TMEM63B: variants seen among roughly 807,000 people sequenced by gnomAD.
The protein encoded by TMEM63B is mechanosensitive cation channel TMEM63B.
In TMEM63B, 23 loss-of-function variants were observed where a neutral mutation model predicts 102.6. The ratio of observed to expected loss-of-function variants is 0.22; its 90% CI spans 0.16 to 0.32. TMEM63B has a LOEUF of 0.32. Ranked by LOEUF, TMEM63B falls within the 10% of genes least tolerant of loss-of-function variation. The pLI is 1.00. For synonymous variants in TMEM63B, 444 were observed against 437.0 expected, an observed-to-expected ratio of 1.02 and a Z score of -0.20; for missense variants, 628 against 1,095.9, an observed-to-expected ratio of 0.57 and a Z score of 6.03.
rs1186115767 is a variant in TMEM63B at position 44,154,203 on chromosome 6, T to C, written c.2226+15T>C. ...ACAACTACAAGGTGTGGGGCAAGGGTGGCAGGCGGATGGCTGCGGGCAGGA... is the reference window on the plus strand; with the variant it reads ...ACAACTACAAGGTGTGGGGCAAGGGCGGCAGGCGGATGGCTGCGGGCAGGA... On this transcript the variant is annotated intron_variant, in intron 22 of 23. Transcript: ENST00000323267. 6.2e-7 allele frequency: 1 copy of C among 1,612,638 alleles called. No individual in the cohort carries two copies. The highest frequency in any genetic ancestry group is 1.1e-5 in the South Asian group (1 of 91,056).
At position 44,136,570 on chromosome 6, in the gene TMEM63B, A is replaced by AT; in HGVS notation, c.369+133dup. 4.4e-6 allele frequency: 3 copies of AT among 683,146 alleles called. No homozygotes were observed. The South Asian group carries it at 5.2e-5, about 12-fold the overall frequency. 42.3% of individuals were successfully genotyped at this position (683,146 alleles called of 1,614,324 possible). ...GGCCTCCTCCTCAGCAAAGAAAGTGATTCAACCAAGGAGCCACAGGATGAC... is the reference window on the plus strand; with the variant it reads ...GGCCTCCTCCTCAGCAAAGAAAGTGATTTCAACCAAGGAGCCACAGGATGAC... On this transcript the variant is annotated intron_variant, in intron 5 of 23. Coordinates refer to ENST00000323267, the MANE Select transcript of TMEM63B (RefSeq NM_018426.3).
At position 44,139,433 on chromosome 6, in the gene TMEM63B, A is replaced by C. The variant is rs1203321811; in HGVS notation, c.408-34A>C. 3 of 1,611,428 alleles carry C rather than the reference A, an allele frequency of 1.9e-6. No individual in the cohort carries two copies. In the African/African-American group the frequency reaches 4.0e-5, roughly 22 times the overall value. On this transcript the variant is annotated intron_variant, in intron 6 of 23. Transcript: ENST00000323267. ...CAGCCCCCTTCTTGCCCTGGTCCTA[A>C]CCTAATTCCTTTGTCCAACCCGTAT...
At chr6:44,136,967 C>T (rs1320908270) in intron 5 of TMEM63B, among the ~76,000 whole-genome samples, 24 of 152,228 alleles carry the variant, frequency 1.6e-4, no homozygotes. Flanking sequence ...ATGGCGTGAA[C>T]GCGGGAGGCG....
At chr6:44,153,541 T>C (rs1471655917) in intron 20 of TMEM63B, 135 bp from the exon 21 acceptor site, 1 of 948,574 alleles carries the variant, frequency 1.1e-6, no homozygotes, top group Non-Finnish European at 1.5e-6. Flanking sequence ...CACGGGGCAC[T>C]ATCCCGTCCT....
rs1763482729 is a variant in TMEM63B at position 44,138,610 on chromosome 6, C to G, written c.407+93C>G. On this transcript the variant is annotated intron_variant, in intron 6 of 23. Coordinates refer to ENST00000323267, the MANE Select transcript of TMEM63B (RefSeq NM_018426.3). ...TTCAGAAGCCAGCAGCTTTCAGGGCCTTAGCACTCCTCGCCAGCACAGCAC... is the reference window on the plus strand; with the variant it reads ...TTCAGAAGCCAGCAGCTTTCAGGGCGTTAGCACTCCTCGCCAGCACAGCAC... 5 of 1,474,960 alleles carry G rather than the reference C, an allele frequency of 3.4e-6. No individual in the cohort carries two copies. The South Asian group carries it at 5.7e-5, about 17-fold the overall frequency. The allele number at this position is 1,474,960 out of a possible 1,614,324, so 91.4% of individuals were successfully genotyped here. A position where few individuals can be genotyped will look rare whatever the true frequency, so the allele number is the denominator to read the frequency against.
chr6:44,137,526 G>C (rs1763208145), intron 5 of TMEM63B, among the ~76,000 whole-genome samples: 1 of 152,128 alleles, frequency 6.6e-6, no homozygotes, highest in African/African-American at 2.4e-5. Flanking sequence ...TTGGCAACAG[G>C]TAGCATGGTC....
Position 44,152,944 on chromosome 6 carries a change from A to G in TMEM63B, c.1942+246A>G, listed in dbSNP as rs1767078666. ...AGGGCAAAGTCACACCAACATGGCC[A>G]TACTTACCCACACCTGTGCCTTCCC... is the stretch of plus-strand genomic sequence containing the variant. On this transcript the variant is annotated intron_variant, in intron 20 of 23. Coordinates refer to ENST00000323267, the MANE Select transcript of TMEM63B (RefSeq NM_018426.3). This position sits in a 1 kb window ranked among gnomAD's most constrained non-coding sequence, Gnocchi z 6.4. Among the ~76,000 whole-genome samples the G allele has an allele frequency of 6.6e-6, 1 of 152,222 alleles. No homozygotes were observed. Among genetic ancestry groups the G allele is most frequent in the African/African-American group, 2.4e-5 (1 of 41,450 alleles).
chr6:44,141,237 C>A, intron 10 of TMEM63B, 139 bp downstream of exon 10: 2 of 877,158 alleles, frequency 2.3e-6, no homozygotes, highest in Non-Finnish European at 3.4e-6. Context: ...AAGAAATGTC[C>A]GATTCCAGGG....
chr6:44,138,850 A>G, intron 6 of TMEM63B: 2 of 340,622 alleles, frequency 5.9e-6, no homozygotes, highest in South Asian at 6.0e-5. Flanking sequence ...GCAGCCAGCC[A>G]GCTGCAGGCA....
At chr6:44,153,581 C>T in intron 20 of TMEM63B, 95 bp from the exon 21 acceptor site, 6 of 1,466,686 alleles carry the variant, frequency 4.1e-6, no homozygotes, top group Non-Finnish European at 4.6e-6. Flanking sequence ...GGGGCCAACC[C>T]TTCAGCACTC....
At chr6:44,147,296 C>T in intron 11 of TMEM63B, 81 bp from the exon 12 acceptor site, 1 of 1,607,124 alleles carries the variant, frequency 6.2e-7, no homozygotes. Flanking sequence ...AGCTCCTGTC[C>T]TTGGGGAGTG....
At chr6:44,143,567 G>GTTTTTGTTT (rs1554197879) in intron 10 of TMEM63B, among the ~76,000 whole-genome samples, 7 of 131,998 alleles carry the variant, frequency 5.3e-5, no homozygotes, top group Non-Finnish European at 9.4e-5. Flanking sequence ...TCTGGTGTTT[G>GTTTTTGTTT]TTGTTTTTGT....
rs1554128141 is a variant in TMEM63B at position 44,155,462 on chromosome 6, G to GTTT, written c.*579_*580insTTT. 1 of 147,956 alleles carries GTTT rather than the reference G, an allele frequency of 6.8e-6. No individual in the cohort carries two copies. 9.2% of individuals were successfully genotyped at this position (147,956 alleles called of 1,614,324 possible). ...TGGGTTTTTGCACTGTTTTTTTTTT[G>GTTT]GTTTTTTTGTTCTTTTTTGTTTTTT... On this transcript the variant is annotated 3_prime_UTR_variant, in exon 24 of 24. Transcript: ENST00000323267.
In TMEM63B at chr6:44,150,677, G is replaced by A; in HGVS notation, c.1673+48G>A. On this transcript the variant is annotated intron_variant, in intron 18 of 23. Coordinates refer to ENST00000323267, the MANE Select transcript of TMEM63B (RefSeq NM_018426.3). The surrounding 1 kb of genome is among the most constrained non-coding windows in gnomAD (Gnocchi z 4.7). ...GAAAGAGACCAGACAGCAGGGGTGGGTATGCTTGAGAGACATTGCCAGCCC... is the reference window on the plus strand; with the variant it reads ...GAAAGAGACCAGACAGCAGGGGTGGATATGCTTGAGAGACATTGCCAGCCC... 6.3e-7 allele frequency: 1 copy of A among 1,580,772 alleles called. No homozygotes were observed. Among genetic ancestry groups the A allele is most frequent in the Non-Finnish European group, 8.7e-7 (1 of 1,151,154 alleles).
At position 44,151,955 on chromosome 6, in the gene TMEM63B, A is replaced by G. The variant is rs1766731031; in HGVS notation, c.1783A>G (p.Met595Val). The G allele has an allele frequency of 6.2e-7, 1 of 1,613,116 alleles. No individual in the cohort carries two copies. ...GCGCATCCCAGGCCTGCTCATGTAC[A>G]TGATCCGGCTCTGCCTGGCGCGCTC... is the stretch of plus-strand genomic sequence containing the variant. ...LLRIPGLLMY[M>V]IRLCLARSAA... The change falls in exon 19 of 24, where the codon ATG becomes GTG. Residue 595 changes from methionine to valine, a missense_variant. Physicochemically the swap from Met to Val is conservative, Grantham distance 21. This residue lies in a region of TMEM63B where 90 missense variants were observed against 136.7 expected (regional missense o/e 0.66). Transcript: ENST00000323267.
At position 44,150,124 on chromosome 6, in the gene TMEM63B, C is replaced by T; in HGVS notation, c.1521-100C>T. ...GCACCCTCACCTTGGGAGGCCCACC[C>T]TTCCCAGGGGACACTCCTTGGACAT... On this transcript the variant is annotated intron_variant, in intron 16 of 23. Transcript: ENST00000323267. This position sits in a 1 kb window ranked among gnomAD's most constrained non-coding sequence, Gnocchi z 4.7. 1.4e-6 allele frequency: 2 copies of T among 1,390,734 alleles called. No homozygotes were observed. Among genetic ancestry groups the T allele is most frequent in the Non-Finnish European group, 2.0e-6 (2 of 996,838 alleles). 86.1% of individuals were successfully genotyped at this position (1,390,734 alleles called of 1,614,324 possible). A position where few individuals can be genotyped will look rare whatever the true frequency, so the allele number is the denominator to read the frequency against.
upstream of TMEM63B, chr6:44,126,981 CGGA>C (rs974903338): frequency 2.6e-5 from 4 of 152,254 alleles, no homozygotes; most frequent in African/African-American, 9.7e-5. Context: ...GCGCGGAAAG[CGGA>C]GAAGCCGGAG....
At position 44,135,139 on chromosome 6, in the gene TMEM63B, C is replaced by T; in HGVS notation, c.239+43C>T. The stretch of plus-strand genomic sequence containing the variant: ...TCCCTCTAGCTCTCCACACACACAT[C>T]TTGTTCCACACTCCTCAGGAATAGG... On this transcript the variant is annotated intron_variant, in intron 3 of 23. Transcript: ENST00000323267. The T allele has an allele frequency of 2.5e-6, 4 of 1,606,234 alleles. No individual in the cohort carries two copies. The East Asian group carries it at 6.7e-5, about 27-fold the overall frequency.
Position 44,135,345 on chromosome 6 carries a change from G to A in TMEM63B, c.257G>A (p.Arg86Lys), listed in dbSNP as rs769673220. 13 of 1,612,852 alleles carry A rather than the reference G, an allele frequency of 8.1e-6. No individual in the cohort carries two copies. In the East Asian group the frequency reaches 2.9e-4, roughly 36 times the overall value. ...TDADRLRRQE[R>K]DRVEQEYVAS... is the part of the protein sequence containing the mutation. ...GTCCCCAGGCTTCGGCGGCAGGAGA[G>A]GGACCGAGTGGAACAGGAATAGTAT... Residue 86 changes from arginine to lysine, a missense_variant, in exon 4 of 24, where the codon AGG (arginine) becomes AAG (lysine). By Grantham distance (26) the Arg-to-Lys change is conservative. This residue lies in a region of TMEM63B where 336 missense variants were observed against 580.3 expected (regional missense o/e 0.58). Transcript: ENST00000323267.
Sources: gnomAD v4.1 joint callset for allele counts (sites outside exome capture counted in the v4.1 genomes callset) on GRCh38, gnomAD v4.1.1 for gene constraint, gnomAD v4.1.1 regional missense constraint, Gnocchi (gnomAD v3.1) non-coding constraint, MANE v1.5 for transcripts, NCBI Gene and HGNC (gene_info 2026-07-23, HGNC 2026-07-21) for gene names.